Variants in LRGUK observed in about 807,000 individuals in gnomAD.
The protein encoded by LRGUK is leucine-rich repeat and guanylate kinase domain-containing protein.
In LRGUK, 65 loss-of-function variants were observed where a neutral mutation model predicts 76.0. That is an observed-to-expected ratio of 0.85 (90% CI 0.70 to 1.05). The LOEUF (loss-of-function observed/expected upper bound fraction) is 1.05, where lower values mean the gene tolerates loss of function less well. Ranked by LOEUF, LRGUK falls within the 50% of genes least tolerant of loss-of-function variation. LRGUK has a pLI of 0.00. For missense variants in LRGUK, 758 were observed against 732.8 expected (o/e 1.03, Z -0.40); for synonymous variants, 268 against 265.6 (o/e 1.01, Z -0.09).
At chr7:134,186,776 G>C (rs983788268) in intron 11 of LRGUK, among the ~76,000 whole-genome samples, 2 of 152,204 alleles carry the variant, frequency 1.3e-5, no homozygotes, top group African/African-American at 4.8e-5. Flanking sequence ...TCAGACCTTA[G>C]ATAATCAGTG....
At chr7:134,148,435 A>G in intron 5 of LRGUK, 116 bp downstream of exon 5, 1 of 626,714 alleles carries the variant, frequency 1.6e-6, no homozygotes, top group East Asian at 3.1e-5. Flanking sequence ...AATTTAATAG[A>G]GACGTGACTT....
At chr7:134,157,644 T>C (rs573087296) in intron 5 of LRGUK, among the ~76,000 whole-genome samples, 307 of 152,266 alleles carry the variant, frequency 2.0e-3, no homozygotes, top group Non-Finnish European at 3.1e-3. Flanking sequence ...TGCCTCAGCC[T>C]CCCGAGTAGC....
At chr7:134,202,031 A>G (rs1423875415) in intron 15 of LRGUK, among the ~76,000 whole-genome samples, 1 of 152,188 alleles carries the variant, frequency 6.6e-6, no homozygotes, top group African/African-American at 2.4e-5. Flanking sequence ...CATAGGATCA[A>G]TGTTCCTGAT....
At chr7:134,155,108 T>C (rs1217745198) in intron 5 of LRGUK, among the ~76,000 whole-genome samples, 1 of 152,192 alleles carries the variant, frequency 6.6e-6, no homozygotes, top group African/African-American at 2.4e-5. Flanking sequence ...GACTTAAACA[T>C]GATTTCTGTC....
chr7:134,151,092 G>A (rs1798206177), intron 5 of LRGUK, among the ~76,000 whole-genome samples: 1 of 152,084 alleles, frequency 6.6e-6, no homozygotes, highest in South Asian at 2.1e-4. Flanking sequence ...TTTCTCTCCT[G>A]TTCTGTTTAA....
chr7:134,216,397 G>A (rs977090490), intron 15 of LRGUK, among the ~76,000 whole-genome samples: 1 of 152,058 alleles, frequency 6.6e-6, no homozygotes, highest in African/African-American at 2.4e-5. Flanking sequence ...GAATAATATT[G>A]GAAAGAAATT....
chr7:134,139,568 C>A (rs371908249), intron 3 of LRGUK, 51 bp downstream of exon 3: 3 of 1,179,194 alleles, frequency 2.5e-6, no homozygotes, highest in East Asian at 4.8e-5. Flanking sequence ...AAAACTTAAA[C>A]GTTGCAGTAT....
intron 2 of LRGUK, among the ~76,000 whole-genome samples, chr7:134,138,643 C>G (rs1463267723): frequency 1.3e-5 from 2 of 152,090 alleles, no homozygotes; most frequent in Non-Finnish European, 2.9e-5. Flanking sequence ...CACCATTATT[C>G]TATATGAGAA....
intron 7 of LRGUK, among the ~76,000 whole-genome samples, chr7:134,173,731 C>A (rs1229708019): frequency 6.6e-6 from 1 of 152,030 alleles, no homozygotes; most frequent in Non-Finnish European, 1.5e-5. Flanking sequence ...CAGTACACAC[C>A]CATCAAGAAA....
chr7:134,184,357 C>A (rs190346107), intron 11 of LRGUK, among the ~76,000 whole-genome samples: 213 of 151,662 alleles, frequency 1.4e-3, no homozygotes, highest in African/African-American at 4.9e-3. Context: ...GCAAGCTCCA[C>A]CTCTCGGGTT....
chr7:134,230,832 A>C (rs775678985), intron 16 of LRGUK, among the ~76,000 whole-genome samples: 26 of 152,222 alleles, frequency 1.7e-4, no homozygotes, highest in Admixed American at 8.5e-4. Context: ...TAAAACTATA[A>C]AGAAGAAGTG....
At chr7:134,162,593 G>A (rs1318230233) in intron 6 of LRGUK, among the ~76,000 whole-genome samples, 5 of 152,192 alleles carry the variant, frequency 3.3e-5, no homozygotes, top group Non-Finnish European at 7.4e-5. Context: ...TTGGGAGGCC[G>A]AGGTGGGTTG....
At chr7:134,127,358 G>A (rs760592036) in exon 1 of LRGUK, 10 of 1,545,540 alleles carry the variant, frequency 6.5e-6, no homozygotes, top group Non-Finnish European at 7.8e-6. Context: ...AGGCAACCCC[G>A]CTAAACAAGA....
chr7:134,262,934 G>GCACTC (rs1802768130), intron 19 of LRGUK, among the ~76,000 whole-genome samples: 1 of 131,504 alleles, frequency 7.6e-6, no homozygotes, highest in Non-Finnish European at 1.5e-5. Context: ...TCACACCACT[G>GCACTC]CACTCCAGCC....
chr7:134,157,583 C>T (rs1302167202), intron 5 of LRGUK, among the ~76,000 whole-genome samples: 1 of 152,220 alleles, frequency 6.6e-6, no homozygotes, highest in African/African-American at 2.4e-5. Context: ...AGTGCAGTGG[C>T]GCGATCTCTG....
At chr7:134,239,417 C>T (rs369463844) in intron 16 of LRGUK, among the ~76,000 whole-genome samples, 53 of 152,342 alleles carry the variant, frequency 3.5e-4, no homozygotes, top group African/African-American at 8.4e-4. Flanking sequence ...GTGCCTGGCT[C>T]GGAGGGTCCC....
chr7:134,132,176 G>T (rs536498332), intron 1 of LRGUK, among the ~76,000 whole-genome samples: 1 of 152,108 alleles, frequency 6.6e-6, no homozygotes, highest in South Asian at 2.1e-4. Flanking sequence ...ATAAGACCCT[G>T]TCTCTATAAA....
intron 2 of LRGUK, among the ~76,000 whole-genome samples, chr7:134,137,669 A>G (rs1797593337): frequency 1.3e-5 from 2 of 152,332 alleles, no homozygotes; most frequent in East Asian, 3.9e-4. Context: ...ATAGAGTAGC[A>G]CAAAACCTTG....
downstream of LRGUK, among the ~76,000 whole-genome samples, chr7:134,266,943 G>A (rs1802867296): frequency 1.3e-5 from 2 of 152,052 alleles, no homozygotes; most frequent in African/African-American, 4.8e-5. Flanking sequence ...AAATGCTAGT[G>A]GACTTCTCAT....
Sources: gnomAD v4.1 joint callset for allele counts (sites outside exome capture counted in the v4.1 genomes callset) on GRCh38, gnomAD v4.1.1 for gene constraint, MANE v1.5 for transcripts, NCBI Gene and HGNC (gene_info 2026-07-23, HGNC 2026-07-21) for gene names.